The following HNRNPA2B1 variants were observed in gnomAD, a reference collection of about 807,000 sequenced individuals.
HNRNPA2B1 encodes heterogeneous nuclear ribonucleoproteins A2/B1.
HNRNPA2B1 carries 3 observed loss-of-function variants against 46.3 expected under a neutral mutation model. That is an observed-to-expected ratio of 0.06 (90% CI 0.03 to 0.17). The LOEUF (loss-of-function observed/expected upper bound fraction) is 0.17, where lower values mean the gene tolerates loss of function less well. Ranked by LOEUF, HNRNPA2B1 falls within the 10% of genes least tolerant of loss-of-function variation. The pLI is 1.00. For synonymous variants in HNRNPA2B1, 225 were observed against 133.8 expected, an observed-to-expected ratio of 1.68 and a Z score of -4.70; for missense variants, 221 against 418.9, an observed-to-expected ratio of 0.53 and a Z score of 4.12.
intron 3 of HNRNPA2B1, 133 bp downstream of exon 3, chr7:26,197,182 A>G: frequency 8.2e-7 from 1 of 1,215,112 alleles, no homozygotes; most frequent in South Asian, 1.5e-5. Context: ...GCTTAAGAAA[A>G]TGGTCCAGAA....
At position 26,197,651 on chromosome 7, in the gene HNRNPA2B1, C is replaced by G; in HGVS notation, c.88G>C (p.Glu30Gln). Residue 30 changes from glutamate to glutamine, a missense_variant, in exon 2 of 11, where the codon GAA (glutamate) becomes CAA (glutamine). Coordinates refer to ENST00000618183, the MANE Select transcript of HNRNPA2B1 (RefSeq NM_002137.4). ...CAGTCTGTAAGCTTTCCCCATTGTT[C>G]GTAGTAGTTCCTCAAACTTTCTTCT... ...TTEESLRNYYEQWGKLTDCVV... is the reference protein window; with the variant it reads ...TTEESLRNYYQQWGKLTDCVV... 2 of 1,613,638 alleles carry G rather than the reference C, an allele frequency of 1.2e-6. No homozygotes were observed. The highest frequency in any genetic ancestry group is 8.5e-7 in the Non-Finnish European group (1 of 1,179,614).
In HNRNPA2B1 at chr7:26,191,912, A is replaced by G. The variant is rs1315066633; in HGVS notation, c.*448T>C. The G allele has an allele frequency of 6.6e-6, 1 of 152,636 alleles. No homozygotes were observed. The highest frequency in any genetic ancestry group is 1.5e-5 in the Non-Finnish European group (1 of 68,046). The allele number at this position is 152,636 out of a possible 1,614,324, so 9.5% of individuals were successfully genotyped here. A position where few individuals can be genotyped will look rare whatever the true frequency, so the allele number is the denominator to read the frequency against. ...TTCTTAACTCTACACACGCACTTAA[A>G]TTTTTTTAAAGGAAAAACGTTATGT... On this transcript the variant is annotated 3_prime_UTR_variant, in exon 11 of 11. Transcript: ENST00000618183.
At position 26,197,245 on chromosome 7, in the gene HNRNPA2B1, A is replaced by G. The variant is rs1783750293; in HGVS notation, c.264+70T>C. On this transcript the variant is annotated intron_variant, in intron 3 of 10. Transcript: ENST00000618183. ...AATCTTGAGTTAAAACTAAATTCAG[A>G]AATAGTTTCTGATTTTCAGCAGGGC... is the stretch of plus-strand genomic sequence containing the variant. 15 of 1,490,956 alleles carry G rather than the reference A, an allele frequency of 1.0e-5. No individual in the cohort carries two copies. The South Asian group carries it at 2.0e-4, about 20-fold the overall frequency. The allele number at this position is 1,490,956 out of a possible 1,614,324, so 92.4% of individuals were successfully genotyped here. A position where few individuals can be genotyped will look rare whatever the true frequency, so the allele number is the denominator to read the frequency against.
intron 1 of HNRNPA2B1, 139 bp from the exon 2 acceptor site, chr7:26,197,871 G>A: frequency 3.2e-6 from 5 of 1,584,444 alleles, no homozygotes; most frequent in Non-Finnish European, 4.3e-6. Flanking sequence ...AGTTTTCTGG[G>A]GGGAAAAAAA....
At chr7:26,195,585 T>C (rs571892833) in intron 7 of HNRNPA2B1, 44 of 465,838 alleles carry the variant, frequency 9.4e-5, no homozygotes, top group Non-Finnish European at 1.5e-4. Context: ...CAAAGATATA[T>C]CTAGATCCAA....
Position 26,192,163 on chromosome 7 carries a change from A to C in HNRNPA2B1, c.*197T>G, listed in dbSNP as rs1414457535. The C allele has an allele frequency of 5.2e-6, 1 of 191,454 alleles. No individual in the cohort carries two copies. Among genetic ancestry groups the C allele is most frequent in the African/African-American group, 2.4e-5 (1 of 42,456 alleles). The allele number at this position is 191,454 out of a possible 1,614,324, so 11.9% of individuals were successfully genotyped here. On this transcript the variant is annotated 3_prime_UTR_variant, in exon 11 of 11. Coordinates refer to ENST00000618183, the MANE Select transcript of HNRNPA2B1 (RefSeq NM_002137.4). ...TCCTCCACAGTAAGGTAATGTTATT[A>C]AATAATCCAATCCATTCACAAAATG...
chr7:26,193,605 A>T lies in HNRNPA2B1; in HGVS notation c.811T>A (p.Tyr271Asn). 1.9e-6 allele frequency: 3 copies of T among 1,607,406 alleles called. No homozygotes were observed. The highest frequency in any genetic ancestry group is 2.5e-6 in the Non-Finnish European group (3 of 1,178,324). The change falls in exon 8 of 11, where the codon TAC (tyrosine) becomes AAC (asparagine). Residue 271 changes from tyrosine to asparagine, a missense_variant. Tyr to Asn is a moderately radical substitution (Grantham distance 143). Around this residue, in one of 2 missense-constraint regions of HNRNPA2B1, gnomAD observed 143 missense variants for 200.5 expected, o/e 0.71. Coordinates refer to ENST00000618183, the MANE Select transcript of HNRNPA2B1 (RefSeq NM_002137.4). Reference sequence around the variant, plus strand: ...CCATAGTTGTCATAACCACCTCCGTAGCCCCCACCCTGGTTGCCATATCCA... The same window carrying T: ...CCATAGTTGTCATAACCACCTCCGTTGCCCCCACCCTGGTTGCCATATCCA... ...GPGYGNQGGGYGGGYDNYGGG... is the reference protein window; with the variant it reads ...GPGYGNQGGGNGGGYDNYGGG...
At chr7:26,195,996 G>C (rs553015634) in intron 6 of HNRNPA2B1, 87 bp from the exon 7 acceptor site, 61 of 1,491,736 alleles carry the variant, frequency 4.1e-5, no homozygotes, top group Non-Finnish European at 5.3e-5. Flanking sequence ...TACTACCTCA[G>C]CACAATAATT....
In HNRNPA2B1 at chr7:26,193,272, T is replaced by C. The variant is rs372687249; in HGVS notation, c.943A>G (p.Met315Val). The C allele has an allele frequency of 5.0e-6, 8 of 1,613,784 alleles. No individual in the cohort carries two copies. The East Asian group carries it at 8.9e-5, about 18-fold the overall frequency. The change falls in exon 9 of 11, where the codon ATG becomes GTG. Residue 315 changes from methionine (M) to valine (V), a missense_variant. This residue lies in a region of HNRNPA2B1 where 143 missense variants were observed against 200.5 expected (regional missense o/e 0.71). Transcript: ENST00000618183. The part of the protein sequence containing the change: ...KSGNFGGSRN[M>V]GGPYGGGNYG... ...TTACCTCCACCATATGGTCCCCCCA[T>C]GTTCCTGCTACCACCAAAGTTTCCA...
chr7:26,195,793 GAT>G (rs2128118912), intron 7 of HNRNPA2B1, 52 bp downstream of exon 7: 5 of 1,570,234 alleles, frequency 3.2e-6, no homozygotes, highest in African/African-American at 1.4e-5. Flanking sequence ...GTAAATATAC[GAT>G]ATAGTTAAGT....
In HNRNPA2B1 at chr7:26,190,337, TAA is replaced by T. The variant is rs1782757000; in HGVS notation, c.*2021_*2022del. 5 of 152,750 alleles carry T rather than the reference TAA, an allele frequency of 3.3e-5. No homozygotes were observed. In the South Asian group the frequency reaches 1.0e-3, roughly 32 times the overall value. 9.5% of individuals were successfully genotyped at this position (152,750 alleles called of 1,614,324 possible). On this transcript the variant is annotated 3_prime_UTR_variant, in exon 11 of 11. Transcript: ENST00000618183. Reference sequence around the variant, plus strand: ...ATCAGAAAACATTTCCCTTTTATTTTAAAGAGTGCTTTTTAAATGAAGGCACC... The same window carrying T: ...ATCAGAAAACATTTCCCTTTTATTTTAGAGTGCTTTTTAAATGAAGGCACC...
At position 26,192,596 on chromosome 7, in the gene HNRNPA2B1, C is replaced by G. The variant is rs1562698173; in HGVS notation, c.965-19G>C. The G allele has an allele frequency of 1.2e-6, 2 of 1,604,902 alleles. No individual in the cohort carries two copies. The highest frequency in any genetic ancestry group is 1.7e-6 in the Non-Finnish European group (2 of 1,171,598). On this transcript the variant is annotated intron_variant, in intron 9 of 10. Coordinates refer to ENST00000618183, the MANE Select transcript of HNRNPA2B1 (RefSeq NM_002137.4). Reference sequence around the variant, plus strand: ...TAGTTTCCTATAATTGTTGGAACAGCAAGAGAAAACAAACTTACTTTGATT... The same window carrying G: ...TAGTTTCCTATAATTGTTGGAACAGGAAGAGAAAACAAACTTACTTTGATT...
In HNRNPA2B1 at chr7:26,190,017, A is replaced by T. The variant is rs978348196; in HGVS notation, c.*2343T>A. On this transcript the variant is annotated 3_prime_UTR_variant, in exon 11 of 11. Coordinates refer to ENST00000618183, the MANE Select transcript of HNRNPA2B1 (RefSeq NM_002137.4). ...TACCTGTTAATATTAAAATATGCAT[A>T]GCTTTGTGAAACTGCTTTTAAAAAT... 1 of 152,466 alleles carries T rather than the reference A, an allele frequency of 6.6e-6. No individual in the cohort carries two copies. Among genetic ancestry groups the T allele is most frequent in the African/African-American group, 2.4e-5 (1 of 41,466 alleles). The allele number at this position is 152,466 out of a possible 1,614,324, so 9.4% of individuals were successfully genotyped here.
chr7:26,197,899 A>T, intron 1 of HNRNPA2B1, 167 bp from the exon 2 acceptor site: 12 of 1,543,592 alleles, frequency 7.8e-6, no homozygotes, highest in Non-Finnish European at 1.1e-5. Context: ...CATCAAATTT[A>T]AACCATATGT....
intron 1 of HNRNPA2B1, chr7:26,200,293 G>A (rs774399217): frequency 2.2e-5 from 11 of 502,806 alleles, no homozygotes; most frequent in East Asian, 1.7e-4. Flanking sequence ...CCGCCTCCGC[G>A]CCCCACTTTC....
intron 1 of HNRNPA2B1, chr7:26,198,401 T>C (rs1449960895): frequency 1.3e-5 from 2 of 152,362 alleles, no homozygotes; most frequent in African/African-American, 2.4e-5. Flanking sequence ...GACAAATTAA[T>C]TTTTATGACC....
At chr7:26,196,725 C>T in intron 4 of HNRNPA2B1, 67 bp from the exon 5 acceptor site, 24 of 1,568,494 alleles carry the variant, frequency 1.5e-5, no homozygotes, top group Non-Finnish European at 1.8e-5. Context: ...AAAAGTTTAC[C>T]TTTCAATAAA....
At chr7:26,197,058 AAC>A (rs1160037134) in intron 3 of HNRNPA2B1, 41 bp from the exon 4 acceptor site, 2 of 1,497,068 alleles carry the variant, frequency 1.3e-6, no homozygotes, top group Non-Finnish European at 1.8e-6. Flanking sequence ...AACAGAAAAA[AAC>A]ACAAGCATAA....
rs538106204 is a variant in HNRNPA2B1 at position 26,197,475 on chromosome 7, G to C, written c.118-14C>G. On this transcript the variant is annotated splice_polypyrimidine_tract_variant and intron_variant, in intron 2 of 10. Transcript: ENST00000618183. ...ATCCCTCATTACCTTTCAAACCAAA[G>C]GGTAAACTTTAGCATTTAATCTCAT... The C allele has an allele frequency of 3.7e-6, 6 of 1,611,834 alleles. No individual in the cohort carries two copies. In the South Asian group the frequency reaches 6.6e-5, roughly 18 times the overall value.
Sources: gnomAD v4.1 joint callset for allele counts on GRCh38, gnomAD v4.1.1 for gene constraint, gnomAD v4.1.1 regional missense constraint, MANE v1.5 for transcripts, NCBI Gene and HGNC (gene_info 2026-07-23, HGNC 2026-07-21) for gene names.